RAMAC: variants seen among roughly 807,000 people sequenced by gnomAD.
RAMAC encodes RNA guanine-7 methyltransferase activating subunit.
RAMAC carries 11 observed loss-of-function variants against 17.9 expected under a neutral mutation model. The ratio of observed to expected loss-of-function variants is 0.61; its 90% CI spans 0.39 to 1.02. The LOEUF (loss-of-function observed/expected upper bound fraction) is 1.02, where lower values mean the gene tolerates loss of function less well. Ranked by LOEUF, RAMAC falls within the 50% of genes least tolerant of loss-of-function variation. The pLI, the probability that RAMAC is intolerant of heterozygous loss-of-function variation, is 0.01. For missense variants in RAMAC, 109 were observed against 144.0 expected (o/e 0.76, Z 1.25); for synonymous variants, 27 against 48.4 (o/e 0.56, Z 1.84).
At chr15:82,989,243 A>C in intron 3 of RAMAC, 55 bp downstream of exon 3, 1 of 1,577,810 alleles carries the variant, frequency 6.3e-7, no homozygotes, top group Non-Finnish European at 8.6e-7. Context: ...GATAGCTTTA[A>C]TCTGCTAGAC....
At chr15:82,987,578 T>A (rs2151269035) in intron 2 of RAMAC, among the ~76,000 whole-genome samples, 194 bp downstream of exon 2, 1 of 152,326 alleles carries the variant, frequency 6.6e-6, no homozygotes, top group South Asian at 2.1e-4. Context: ...ATCTTTTTAG[T>A]GATTTCTGTG....
At chr15:82,987,742 A>C (rs1284574240) in intron 2 of RAMAC, among the ~76,000 whole-genome samples, 3 of 152,224 alleles carry the variant, frequency 2.0e-5, no homozygotes, top group African/African-American at 7.2e-5. Flanking sequence ...CAATAGCCTG[A>C]AAGATAAGAG....
Position 82,990,710 on chromosome 15 carries a change from G to A in RAMAC, c.*643G>A, listed in dbSNP as rs1184462078. 3 of 1,402,798 alleles carry A rather than the reference G, an allele frequency of 2.1e-6. No homozygotes were observed. Among genetic ancestry groups the A allele is most frequent in the Non-Finnish European group, 3.0e-6 (3 of 1,012,720 alleles). 86.9% of individuals were successfully genotyped at this position (1,402,798 alleles called of 1,614,324 possible). A position where few individuals can be genotyped will look rare whatever the true frequency, so the allele number is the denominator to read the frequency against. ...TTTGTGTCTTGATCTGGTGGTGGTTGGGATAAGGGTACACATCATTTTATA... is the reference window on the plus strand; with the variant it reads ...TTTGTGTCTTGATCTGGTGGTGGTTAGGATAAGGGTACACATCATTTTATA... On this transcript the variant is annotated 3_prime_UTR_variant, in exon 4 of 4. Coordinates refer to ENST00000304191, the MANE Select transcript of RAMAC (RefSeq NM_031452.4).
At chr15:82,988,621 G>A (rs1181011245) in intron 2 of RAMAC, 6 of 381,210 alleles carry the variant, frequency 1.6e-5, no homozygotes, top group Non-Finnish European at 3.1e-5. Context: ...GAGGATCACC[G>A]AAGCCCAAGA....
At chr15:82,989,235 T>C (rs775812051) in intron 3 of RAMAC, 47 bp downstream of exon 3, 1 of 1,592,636 alleles carries the variant, frequency 6.3e-7, no homozygotes, top group Non-Finnish European at 8.6e-7. Flanking sequence ...TGGCAGAGGA[T>C]AGCTTTAATC....
At chr15:82,987,430 T>C (rs1253566539) in intron 2 of RAMAC, 46 bp downstream of exon 2, 3 of 152,194 alleles carry the variant, frequency 2.0e-5, no homozygotes, top group African/African-American at 4.8e-5. Context: ...AATTTCGTTC[T>C]CAGTAATAAT....
rs2030813374 is a variant in RAMAC at position 82,990,612 on chromosome 15, G to C, written c.*545G>C. Reference sequence around the variant, plus strand: ...GATTCCTTAATCTATAGATGAGTCAGCTCCACACTTGAGTCTCTTTTTAGA... The same window carrying C: ...GATTCCTTAATCTATAGATGAGTCACCTCCACACTTGAGTCTCTTTTTAGA... On this transcript the variant is annotated 3_prime_UTR_variant, in exon 4 of 4. Transcript: ENST00000304191. 1 of 1,479,622 alleles carries C rather than the reference G, an allele frequency of 6.8e-7. No individual in the cohort carries two copies. The highest frequency in any genetic ancestry group is 9.2e-7 in the Non-Finnish European group (1 of 1,085,336). 91.7% of individuals were successfully genotyped at this position (1,479,622 alleles called of 1,614,324 possible).
intron 2 of RAMAC, 77 bp from the exon 3 acceptor site, chr15:82,988,933 T>C: frequency 7.2e-7 from 1 of 1,397,170 alleles, no homozygotes; most frequent in Non-Finnish European, 9.7e-7. Context: ...AATTGCTTAC[T>C]TCTTGGTTTT....
At chr15:82,986,558 C>G (rs1311555005) in intron 1 of RAMAC, among the ~76,000 whole-genome samples, 189 bp downstream of exon 1, 5 of 152,208 alleles carry the variant, frequency 3.3e-5, no homozygotes, top group Non-Finnish European at 5.9e-5. Flanking sequence ...CTGCCAGAAC[C>G]TTGGTAAGCA....
chr15:82,987,524 C>T (rs2151268995), intron 2 of RAMAC, 140 bp downstream of exon 2: 1 of 152,258 alleles, frequency 6.6e-6, no homozygotes, highest in South Asian at 2.1e-4. Flanking sequence ...GCACCTTTTC[C>T]TTGCCTTATG....
rs1310707004 is a variant in RAMAC, at chr15:82,989,897, C to G, written c.187C>G (p.Gln63Glu). 5 of 1,611,814 alleles carry G rather than the reference C, an allele frequency of 3.1e-6. No individual in the cohort carries two copies. The highest frequency in any genetic ancestry group is 1.1e-5 in the South Asian group (1 of 90,864). Residue 63 changes from glutamine (Q) to glutamate (E), a missense_variant, in exon 4 of 4, where the codon CAG becomes GAG. Coordinates refer to ENST00000304191, the MANE Select transcript of RAMAC (RefSeq NM_031452.4). ...TTGTTGTAGGTTGCAAGACAACAGACAGTTCAGAGGCAGGGACAACAGATG... is the reference window on the plus strand; with the variant it reads ...TTGTTGTAGGTTGCAAGACAACAGAGAGTTCAGAGGCAGGGACAACAGATG... ...NRGNRLQDNRQFRGRDNRWGW... is the reference protein window; with the variant it reads ...NRGNRLQDNREFRGRDNRWGW...
intron 2 of RAMAC, 149 bp downstream of exon 2, chr15:82,987,533 T>C (rs2030667598): frequency 6.6e-6 from 1 of 152,234 alleles, no homozygotes; most frequent in African/African-American, 2.4e-5. Flanking sequence ...CCTTGCCTTA[T>C]GATTTTTACT....
intron 1 of RAMAC, among the ~76,000 whole-genome samples, chr15:82,986,787 A>C (rs939047290): frequency 6.6e-6 from 1 of 152,254 alleles, no homozygotes; most frequent in Admixed American, 6.5e-5. Context: ...CTAAAAGAAC[A>C]TACATACTTT....
At chr15:82,986,926 T>C (rs961298815) in intron 1 of RAMAC, among the ~76,000 whole-genome samples, 5 of 152,044 alleles carry the variant, frequency 3.3e-5, no homozygotes, top group African/African-American at 9.7e-5. Flanking sequence ...AGAGCGTTTT[T>C]TTGGTTTGTT....
chr15:82,988,663 T>C (rs1307679338), intron 2 of RAMAC: 3 of 441,302 alleles, frequency 6.8e-6, no homozygotes, highest in Non-Finnish European at 1.4e-5. Context: ...CGAGATCCCG[T>C]CTCTTCAAAA....
intron 1 of RAMAC, among the ~76,000 whole-genome samples, chr15:82,986,851 A>G (rs1449370218): frequency 6.6e-6 from 1 of 152,240 alleles, no homozygotes; most frequent in Non-Finnish European, 1.5e-5. Flanking sequence ...CCAGAGGACA[A>G]ATCTTGTAGC....
Position 82,988,061 on chromosome 15 carries a change from G to A in RAMAC, c.-10+677G>A, listed in dbSNP as rs932131671. 1.0e-4 allele frequency among the ~76,000 whole-genome samples: 15 copies of A among 150,284 alleles called. No individual in the cohort carries two copies. The East Asian group carries it at 2.9e-3, about 29-fold the overall frequency. ...AAAAAAAAAAAAAAAAAAAGGCTGG[G>A]CGCAGTGGCTCATACCTGTAATCCC... On this transcript the variant is annotated intron_variant, in intron 2 of 3. Coordinates refer to ENST00000304191, the MANE Select transcript of RAMAC (RefSeq NM_031452.4).
intron 3 of RAMAC, among the ~76,000 whole-genome samples, chr15:82,989,442 T>C (rs2030763281): frequency 6.6e-6 from 1 of 152,262 alleles, no homozygotes; most frequent in Admixed American, 6.5e-5. Flanking sequence ...ACTAATATTT[T>C]CAATGCAAAT....
rs2030791118 is a variant in RAMAC at position 82,989,995 on chromosome 15, A to G, written c.285A>G (p.Arg95=). Residue 95 remains arginine (R), a synonymous_variant, in exon 4 of 4, where the codon AGA becomes AGG. Transcript: ENST00000304191. ...GGGGTAACAACTACCCGCAACACAGACAAGAACCTTACTATCCCCAGCAAT... is the reference window on the plus strand; with the variant it reads ...GGGGTAACAACTACCCGCAACACAGGCAAGAACCTTACTATCCCCAGCAAT... ...RSWGNNYPQH[R]QEPYYPQQYG... is the part of the protein sequence containing the mutation. 2 of 1,600,120 alleles carry G rather than the reference A, an allele frequency of 1.2e-6. No homozygotes were observed. Among genetic ancestry groups the G allele is most frequent in the Non-Finnish European group, 1.7e-6 (2 of 1,170,502 alleles).
Sources: allele counts gnomAD v4.1 joint callset (sites outside exome capture counted in the v4.1 genomes callset), GRCh38; gene constraint gnomAD v4.1.1; transcripts MANE v1.5; gene names NCBI Gene and HGNC (gene_info 2026-07-23, HGNC 2026-07-21).